The following NTNG1 variants were observed in gnomAD, a reference collection of about 807,000 sequenced individuals.
NTNG1 encodes netrin G1.
Under a neutral mutation model 54.0 loss-of-function variants are expected in NTNG1, and 16 were observed. The ratio of observed to expected loss-of-function variants is 0.30; its 90% CI spans 0.20 to 0.45. The LOEUF is 0.45. Ranked by LOEUF, NTNG1 falls within the 20% of genes least tolerant of loss-of-function variation. NTNG1 has a pLI of 1.00. For missense variants in NTNG1, 530 were observed against 678.7 expected (o/e 0.78, Z 2.43); for synonymous variants, 255 against 263.1 (o/e 0.97, Z 0.30).
chr1:107,447,271 G>A (rs183534858), intron 7 of NTNG1, among the ~76,000 whole-genome samples: 1 of 151,926 alleles, frequency 6.6e-6, no homozygotes, highest in Admixed American at 6.6e-5. Context: ...CAATAATATG[G>A]ACAACTACTA....
In NTNG1 at chr1:107,482,854, A is replaced by T. The variant is rs1218129036; in HGVS notation, c.*2014A>T. On this transcript the variant is annotated 3_prime_UTR_variant, in exon 8 of 8. Coordinates refer to ENST00000370068, the MANE Select transcript of NTNG1 (RefSeq NM_001113226.3). ...ATTCGAAGAAGGCAATAAAAGGTAA[A>T]CAGGTAATGCCTGTGCTGCCTGCCA... The T allele has an allele frequency of 6.6e-6, 1 of 152,210 alleles. No individual in the cohort carries two copies. Among genetic ancestry groups the T allele is most frequent in the African/African-American group, 2.4e-5 (1 of 41,444 alleles). The allele number at this position is 152,210 out of a possible 1,614,324, so 9.4% of individuals were successfully genotyped here.
At chr1:107,280,034 G>GTGT (rs145438968) in intron 2 of NTNG1, among the ~76,000 whole-genome samples, 2 of 146,452 alleles carry the variant, frequency 1.4e-5, no homozygotes, top group Admixed American at 6.8e-5. Context: ...TTCCTTTGTT[G>GTGT]GTGTGTGTGT....
chr1:107,413,530 T>C (rs1357426712), intron 5 of NTNG1, among the ~76,000 whole-genome samples: 2 of 152,148 alleles, frequency 1.3e-5, no homozygotes, highest in Non-Finnish European at 2.9e-5. Context: ...CAAAGGGACC[T>C]TGTAATTTTA....
chr1:107,181,730 G>A (rs1227909821), intron 2 of NTNG1, among the ~76,000 whole-genome samples: 1 of 152,040 alleles, frequency 6.6e-6, no homozygotes, highest in Non-Finnish European at 1.5e-5. Context: ...GCACTGACTT[G>A]GGGCTCCAAG....
intron 3 of NTNG1, among the ~76,000 whole-genome samples, chr1:107,387,648 G>A (rs1672096069): frequency 6.6e-6 from 1 of 152,194 alleles, no homozygotes; most frequent in Admixed American, 6.5e-5. Context: ...TAATCTCAGA[G>A]AGAGTAATGT....
Position 107,390,857 on chromosome 1 carries a change from G to A in NTNG1, c.888-4297G>A, listed in dbSNP as rs968891733. On this transcript the variant is annotated intron_variant, in intron 3 of 7. Coordinates refer to ENST00000370068, the MANE Select transcript of NTNG1 (RefSeq NM_001113226.3). ...AACTTATCCTCTAGTGAGGATGACA[G>A]AATAAGCAATTAAAATACAGTCTAC... is the stretch of plus-strand genomic sequence containing the variant. 3.9e-5 allele frequency among the ~76,000 whole-genome samples: 6 copies of A among 152,178 alleles called. No homozygotes were observed. In the South Asian group the frequency reaches 1.2e-3, roughly 32 times the overall value.
intron 6 of NTNG1, among the ~76,000 whole-genome samples, chr1:107,431,324 G>T (rs995103516): frequency 6.6e-6 from 1 of 151,972 alleles, no homozygotes; most frequent in African/African-American, 2.4e-5. Context: ...AAAAATTAGG[G>T]TACAGATTCT....
chr1:107,220,970 A>G (rs573665007), intron 2 of NTNG1, among the ~76,000 whole-genome samples: 2 of 152,030 alleles, frequency 1.3e-5, no homozygotes, highest in Non-Finnish European at 2.9e-5. Context: ...CTTATTATCA[A>G]TGGATATTAT....
At chr1:107,422,209 A>G (rs1674618865) in intron 5 of NTNG1, among the ~76,000 whole-genome samples, 1 of 152,066 alleles carries the variant, frequency 6.6e-6, no homozygotes, top group Admixed American at 6.6e-5. Flanking sequence ...AAATTTTTGG[A>G]AATAAGTCCT....
chr1:107,294,623 A>G (rs1665831484), intron 2 of NTNG1, among the ~76,000 whole-genome samples: 1 of 152,236 alleles, frequency 6.6e-6, no homozygotes, highest in African/African-American at 2.4e-5. Flanking sequence ...ATAGACCTAG[A>G]CAGCTAAATA....
intron 7 of NTNG1, among the ~76,000 whole-genome samples, chr1:107,453,534 A>G (rs1256508580): frequency 6.6e-6 from 1 of 152,176 alleles, no homozygotes; most frequent in African/African-American, 2.4e-5. Context: ...AATAGAGATC[A>G]TGACCAAAGC....
At chr1:107,427,477 C>T (rs775412785) in intron 5 of NTNG1, among the ~76,000 whole-genome samples, 2 of 152,000 alleles carry the variant, frequency 1.3e-5, no homozygotes, top group Non-Finnish European at 2.9e-5. Context: ...TGTGGAAAGA[C>T]CAGGTATTAA....
chr1:107,454,451 A>G (rs566683813), intron 7 of NTNG1, among the ~76,000 whole-genome samples: 19 of 152,186 alleles, frequency 1.2e-4, no homozygotes, highest in Middle Eastern at 3.4e-3. Flanking sequence ...GTCCCTACCC[A>G]TTCTCATAGG....
rs1044978274 is a variant in NTNG1, at chr1:107,481,464, C to T, written c.*624C>T. On this transcript the variant is annotated 3_prime_UTR_variant, in exon 8 of 8. Transcript: ENST00000370068. ...CATACCCCTGTATATCTTAGCAGCA[C>T]TGAGTCCAGTGCGAGCACACACCCA... 1 of 152,780 alleles carries T rather than the reference C, an allele frequency of 6.5e-6. No individual in the cohort carries two copies. The highest frequency in any genetic ancestry group is 1.5e-5 in the Non-Finnish European group (1 of 68,150). 9.5% of individuals were successfully genotyped at this position (152,780 alleles called of 1,614,324 possible).
intron 2 of NTNG1, among the ~76,000 whole-genome samples, chr1:107,180,015 T>A (rs1656951693): frequency 6.6e-6 from 1 of 152,114 alleles, no homozygotes; most frequent in Non-Finnish European, 1.5e-5. Flanking sequence ...CCCAATTAAC[T>A]CAAGGCCCTA....
At chr1:107,387,701 C>T (rs1371616537) in intron 3 of NTNG1, among the ~76,000 whole-genome samples, 7 of 152,214 alleles carry the variant, frequency 4.6e-5, no homozygotes, top group Non-Finnish European at 8.8e-5. Context: ...TGCCACTTAC[C>T]AGCAGTGTGT....
intron 2 of NTNG1, among the ~76,000 whole-genome samples, chr1:107,298,219 T>C (rs1018652595): frequency 2.6e-5 from 4 of 152,202 alleles, no homozygotes; most frequent in African/African-American, 9.6e-5. Flanking sequence ...CAAGTAATGC[T>C]AGTAGTCAGG....
intron 3 of NTNG1, among the ~76,000 whole-genome samples, chr1:107,377,192 G>A (rs1379332957): frequency 1.3e-5 from 2 of 152,144 alleles, no homozygotes; most frequent in Admixed American, 1.3e-4. Flanking sequence ...GCTTTGGGGA[G>A]CACTGAATAC....
At chr1:107,257,652 G>C (rs1358806676) in intron 2 of NTNG1, among the ~76,000 whole-genome samples, 1 of 152,080 alleles carries the variant, frequency 6.6e-6, no homozygotes, top group Non-Finnish European at 1.5e-5. Context: ...TGTAGATGGG[G>C]GTCTATGGAT....
Sources: allele counts gnomAD v4.1 joint callset (sites outside exome capture counted in the v4.1 genomes callset), GRCh38; gene constraint gnomAD v4.1.1; transcripts MANE v1.5; gene names NCBI Gene and HGNC (gene_info 2026-07-23, HGNC 2026-07-21).